C8orf34: variants seen among roughly 807,000 people sequenced by gnomAD.
The protein encoded by C8orf34 is uncharacterized protein C8orf34.
C8orf34 carries 65 observed loss-of-function variants against 68.3 expected under a neutral mutation model. The ratio of observed to expected loss-of-function variants is 0.95; its 90% confidence interval spans 0.78 to 1.17. The LOEUF (loss-of-function observed/expected upper bound fraction) is 1.17, where lower values mean the gene tolerates loss of function less well. C8orf34 is among the 50% of genes most tolerant of loss of function. C8orf34 has a pLI of 0.00. For synonymous variants in C8orf34, 244 were observed against 241.2 expected (o/e 1.01, Z -0.11); for missense variants, 664 against 655.4 (o/e 1.01, Z -0.14).
chr8:68,757,390 GA>G (rs1251341577), intron 10 of C8orf34, among the ~76,000 whole-genome samples: 2 of 152,168 alleles, frequency 1.3e-5, no homozygotes, highest in African/African-American at 4.8e-5. Context: ...AGCACTTTGG[GA>G]GGCTGAGGCG....
At chr8:68,464,650 T>C (rs1324692572) in intron 3 of C8orf34, among the ~76,000 whole-genome samples, 1 of 151,832 alleles carries the variant, frequency 6.6e-6, no homozygotes, top group South Asian at 2.1e-4. Flanking sequence ...ACACTGCATA[T>C]CTACAACTAT....
At position 68,694,651 on chromosome 8, in the gene C8orf34, A is replaced by G. The variant is rs570507847; in HGVS notation, c.1242-14343A>G. 2.6e-5 allele frequency among the ~76,000 whole-genome samples: 4 copies of G among 152,096 alleles called. No homozygotes were observed. The South Asian group carries it at 8.3e-4, about 32-fold the overall frequency. ...TTATTTCCCTATTGTCATAAATGAG[A>G]TATATTATGTAATGAATAGGAACGA... On this transcript the variant is annotated intron_variant, in intron 8 of 13. Coordinates refer to ENST00000518698, the MANE Select transcript of C8orf34 (RefSeq NM_052958.4).
chr8:68,597,824 A>G (rs963375443), intron 7 of C8orf34, among the ~76,000 whole-genome samples: 1 of 152,150 alleles, frequency 6.6e-6, no homozygotes, highest in Admixed American at 6.5e-5. Flanking sequence ...AGCCAGTAGC[A>G]CATATGTCTT....
intron 7 of C8orf34, among the ~76,000 whole-genome samples, chr8:68,598,639 A>C (rs1270759140): frequency 6.6e-6 from 1 of 152,164 alleles, no homozygotes; most frequent in Non-Finnish European, 1.5e-5. Flanking sequence ...CGTTCGTTGA[A>C]TAGATAATAG....
chr8:68,783,814 C>T (rs573988008), intron 11 of C8orf34, among the ~76,000 whole-genome samples: 2 of 152,216 alleles, frequency 1.3e-5, no homozygotes, highest in East Asian at 3.9e-4. Flanking sequence ...GGTATGCATC[C>T]TCAACTTTGG....
At chr8:68,786,177 T>C (rs1273033408) in intron 11 of C8orf34, among the ~76,000 whole-genome samples, 1 of 152,216 alleles carries the variant, frequency 6.6e-6, no homozygotes, top group Admixed American at 6.5e-5. Flanking sequence ...TGATTTTATG[T>C]TTTTAATTTT....
At chr8:68,657,455 T>G (rs1819541160) in intron 8 of C8orf34, among the ~76,000 whole-genome samples, 1 of 152,136 alleles carries the variant, frequency 6.6e-6, no homozygotes, top group African/African-American at 2.4e-5. Context: ...AGATCCTCAC[T>G]GGACACCAAA....
chr8:68,582,668 G>A lies in C8orf34; in HGVS notation c.1105+49519G>A, dbSNP rs978225528. On this transcript the variant is annotated intron_variant, in intron 7 of 13. Transcript: ENST00000518698. ...AGTTCAAAGTACTCAGTATACCAAA[G>A]CACCATATTTTAGGTATTACTCGTT... 2.0e-5 allele frequency among the ~76,000 whole-genome samples: 3 copies of A among 152,078 alleles called. No homozygotes were observed. In the South Asian group the frequency reaches 6.2e-4, roughly 32 times the overall value.
intron 1 of C8orf34, among the ~76,000 whole-genome samples, chr8:68,340,933 A>G (rs1344050652): frequency 6.6e-6 from 1 of 152,234 alleles, no homozygotes; most frequent in Non-Finnish European, 1.5e-5. Flanking sequence ...CAGAAATAAA[A>G]AAACAACAAA....
intron 1 of C8orf34, among the ~76,000 whole-genome samples, chr8:68,417,999 A>G (rs1023427643): frequency 6.7e-6 from 1 of 149,864 alleles, no homozygotes; most frequent in Non-Finnish European, 1.5e-5. Flanking sequence ...CTCCTTGAAG[A>G]GGTCCTTCAC....
chr8:68,538,740 C>A (rs1422611566), intron 7 of C8orf34, among the ~76,000 whole-genome samples: 2 of 152,014 alleles, frequency 1.3e-5, no homozygotes, highest in Non-Finnish European at 2.9e-5. Flanking sequence ...GTTGGCTATA[C>A]CAACACAAAG....
chr8:68,764,913 A>G (rs571613413), intron 10 of C8orf34, among the ~76,000 whole-genome samples: 1 of 152,324 alleles, frequency 6.6e-6, no homozygotes, highest in East Asian at 1.9e-4. Flanking sequence ...ATAATTTCCT[A>G]TCACTGAAAG....
intron 9 of C8orf34, among the ~76,000 whole-genome samples, chr8:68,712,717 T>C (rs750963316): frequency 6.6e-6 from 1 of 151,902 alleles, no homozygotes; most frequent in South Asian, 2.1e-4. Flanking sequence ...ATCTAAGAAA[T>C]GAGACAGATA....
At chr8:68,358,728 CAG>C (rs1307439773) in intron 1 of C8orf34, among the ~76,000 whole-genome samples, 1 of 149,692 alleles carries the variant, frequency 6.7e-6, no homozygotes, top group Admixed American at 6.7e-5. Flanking sequence ...TTTTTTGAGA[CAG>C]AGTCTCGCTC....
At chr8:68,637,733 T>C (rs1348407405) in intron 7 of C8orf34, among the ~76,000 whole-genome samples, 3 of 152,160 alleles carry the variant, frequency 2.0e-5, no homozygotes, top group Admixed American at 6.5e-5. Context: ...TAGGGTTTTT[T>C]TGTGAGAAAG....
intron 7 of C8orf34, among the ~76,000 whole-genome samples, chr8:68,632,109 G>C (rs112262806): frequency 0.012 from 1,867 of 152,278 alleles, 39 homozygotes; most frequent in African/African-American, 0.042. Context: ...GAACTTCCTA[G>C]AGACTTGTTG....
chr8:68,806,121 A>G (rs1476549607), intron 12 of C8orf34, among the ~76,000 whole-genome samples: 1 of 152,072 alleles, frequency 6.6e-6, no homozygotes, highest in Admixed American at 6.5e-5. Flanking sequence ...TTAGCTTTGT[A>G]TCTCTTCATC....
At chr8:68,632,017 G>A (rs759727187) in intron 7 of C8orf34, among the ~76,000 whole-genome samples, 1 of 152,198 alleles carries the variant, frequency 6.6e-6, no homozygotes, top group Non-Finnish European at 1.5e-5. Flanking sequence ...AAATGTGGAA[G>A]CAATTTTGGA....
At chr8:68,505,606 CTG>C (rs1813978662) in intron 5 of C8orf34, among the ~76,000 whole-genome samples, 1 of 133,230 alleles carries the variant, frequency 7.5e-6, no homozygotes, top group East Asian at 2.1e-4. Context: ...TGGCGGGCGC[CTG>C]TAGTCCCAGC....
Sources: gnomAD v4.1 joint callset for allele counts (sites outside exome capture counted in the v4.1 genomes callset) on GRCh38, gnomAD v4.1.1 for gene constraint, MANE v1.5 for transcripts, NCBI Gene and HGNC (gene_info 2026-07-23, HGNC 2026-07-21) for gene names.